The following TBC1D5 variants were observed in gnomAD, a reference collection of about 807,000 sequenced individuals.
The protein encoded by TBC1D5 is TBC1 domain family, member 5.
A neutral mutation model predicts 100.3 loss-of-function variants in TBC1D5; 75 were observed. The observed-to-expected ratio is 0.75, with a 90% confidence interval of 0.62 to 0.91. TBC1D5 has a LOEUF of 0.91. Among genes scored for constraint, TBC1D5 ranks in the 40% least tolerant of loss-of-function variants. The pLI is 0.00. For missense variants in TBC1D5, 910 were observed against 942.4 expected, an observed-to-expected ratio of 0.97 and a Z score of 0.45; for synonymous variants, 323 against 325.6, an observed-to-expected ratio of 0.99 and a Z score of 0.09.
chr3:17,633,363 G>A (rs2063648569), intron 1 of TBC1D5, among the ~76,000 whole-genome samples: 1 of 150,676 alleles, frequency 6.6e-6, no homozygotes, highest in South Asian at 2.1e-4. Context: ...TGGAACCTGG[G>A]AGGCAGAGGT....
chr3:17,352,709 C>T (rs999230627), intron 13 of TBC1D5, among the ~76,000 whole-genome samples: 1 of 101,666 alleles, frequency 9.8e-6, no homozygotes, highest in Non-Finnish European at 2.2e-5. Context: ...ACAAAAAAAC[C>T]TACTGTGCAC....
intron 3 of TBC1D5, among the ~76,000 whole-genome samples, chr3:17,454,503 A>G (rs2095006444): frequency 6.6e-6 from 1 of 152,160 alleles, no homozygotes; most frequent in African/African-American, 2.4e-5. Context: ...TCTGTCACCC[A>G]GGCTAGAGTG....
At chr3:17,692,256 T>C (rs1460574908) in intron 1 of TBC1D5, among the ~76,000 whole-genome samples, 1 of 152,040 alleles carries the variant, frequency 6.6e-6, no homozygotes, top group Non-Finnish European at 1.5e-5. Context: ...CATGCCCAGC[T>C]AATTTTTGTA....
At chr3:17,305,674 T>A (rs2083327757) in intron 14 of TBC1D5, among the ~76,000 whole-genome samples, 1 of 152,206 alleles carries the variant, frequency 6.6e-6, no homozygotes, top group African/African-American at 2.4e-5. Flanking sequence ...AACTTCTTAA[T>A]CCTTGTATTT....
rs80335505 is a variant in TBC1D5, at chr3:17,267,557, A to G, written c.1246-8966T>C. 9.6e-3 allele frequency among the ~76,000 whole-genome samples: 1,455 copies of G among 152,296 alleles called. 21 individuals are homozygous for G. Among genetic ancestry groups the G allele is most frequent in the African/African-American group, 0.033 (1,375 of 41,568 alleles). On this transcript the variant is annotated intron_variant, in intron 15 of 21. Coordinates refer to ENST00000253692, the Ensembl canonical transcript of TBC1D5. Reference sequence around the variant, plus strand: ...GGAAACAGAGGTAAAGTCTGATATAAAAGTTATCATTGCAAATTTTTATTT... The same window carrying G: ...GGAAACAGAGGTAAAGTCTGATATAGAAGTTATCATTGCAAATTTTTATTT...
chr3:17,651,416 A>G (rs1025694194), intron 1 of TBC1D5, among the ~76,000 whole-genome samples: 11 of 152,220 alleles, frequency 7.2e-5, no homozygotes, highest in African/African-American at 2.4e-4. Context: ...CCTCACAGTA[A>G]TATTTGATTT....
chr3:17,651,639 G>C (rs547551712), intron 1 of TBC1D5, among the ~76,000 whole-genome samples: 1 of 152,064 alleles, frequency 6.6e-6, no homozygotes, highest in Admixed American at 6.5e-5. Flanking sequence ...GGAGGCAGAG[G>C]TTGCAGTGAG....
chr3:17,733,416 T>C (rs1297328942), intron 1 of TBC1D5, among the ~76,000 whole-genome samples: 2 of 152,182 alleles, frequency 1.3e-5, no homozygotes, highest in Non-Finnish European at 2.9e-5. Flanking sequence ...CTGTCAGTTT[T>C]CTCTTTTAAT....
At chr3:17,623,514 T>G (rs965516149) in intron 2 of TBC1D5, among the ~76,000 whole-genome samples, 5 of 152,236 alleles carry the variant, frequency 3.3e-5, no homozygotes. Flanking sequence ...GGCAGTTTCC[T>G]GCAGAGTGCC....
At position 17,450,792 on chromosome 3, in the gene TBC1D5, C is replaced by T. The variant is rs1313579377; in HGVS notation, c.98-22273G>A. 2.0e-5 allele frequency among the ~76,000 whole-genome samples: 3 copies of T among 152,138 alleles called. No individual in the cohort carries two copies. The East Asian group carries it at 5.8e-4, about 29-fold the overall frequency. On this transcript the variant is annotated intron_variant, in intron 3 of 21. Coordinates refer to ENST00000253692, the Ensembl canonical transcript of TBC1D5. ...CCTGAAAGTGATGGAGAGAATGGAA[C>T]CAAGTTGGAAAATACACTTCAGGAT...
intron 17 of TBC1D5, among the ~76,000 whole-genome samples, chr3:17,215,005 A>G (rs571354372): frequency 1.3e-5 from 2 of 152,124 alleles, no homozygotes; most frequent in Admixed American, 6.6e-5. Flanking sequence ...AAGAGCAAGG[A>G]GGAGAAGGGT....
intron 19 of TBC1D5, among the ~76,000 whole-genome samples, chr3:17,173,550 G>T (rs1015000643): frequency 6.6e-6 from 1 of 152,144 alleles, no homozygotes; most frequent in African/African-American, 2.4e-5. Flanking sequence ...TGAGATGGGG[G>T]TAATACCCAT....
At chr3:17,342,046 A>C (rs972908004) in intron 13 of TBC1D5, among the ~76,000 whole-genome samples, 9 of 152,146 alleles carry the variant, frequency 5.9e-5, no homozygotes, top group African/African-American at 2.2e-4. Flanking sequence ...CTGCCATCTT[A>C]TTTAGGGCCA....
At chr3:17,160,068 T>C (rs907423038) in exon 22 of TBC1D5, 15 of 152,232 alleles carry the variant, frequency 9.9e-5, no homozygotes, top group African/African-American at 3.4e-4. Flanking sequence ...GAAAGATGTT[T>C]ATCCCATAAA....
At chr3:17,689,551 A>T (rs1560471337) in intron 1 of TBC1D5, among the ~76,000 whole-genome samples, 1 of 151,640 alleles carries the variant, frequency 6.6e-6, no homozygotes, top group Non-Finnish European at 1.5e-5. Context: ...AGAAAAAGAG[A>T]AAAAAGGGAG....
intron 17 of TBC1D5, among the ~76,000 whole-genome samples, chr3:17,218,865 T>G (rs560590957): frequency 1.3e-5 from 2 of 151,968 alleles, no homozygotes; most frequent in African/African-American, 2.4e-5. Flanking sequence ...ACAGTCTGAC[T>G]ATGATATATC....
chr3:17,546,629 C>A (rs956963312), intron 2 of TBC1D5, among the ~76,000 whole-genome samples: 1 of 151,328 alleles, frequency 6.6e-6, no homozygotes, highest in East Asian at 1.9e-4. Context: ...AATAACCGGG[C>A]ATGGCGGCAT....
intron 2 of TBC1D5, among the ~76,000 whole-genome samples, chr3:17,548,569 T>C (rs977133439): frequency 6.6e-5 from 10 of 152,228 alleles, no homozygotes; most frequent in African/African-American, 2.2e-4. Context: ...CAATCAACAC[T>C]TGTCTTCAAA....
At chr3:17,545,069 A>G (rs1412956432) in intron 2 of TBC1D5, among the ~76,000 whole-genome samples, 1 of 152,154 alleles carries the variant, frequency 6.6e-6, no homozygotes. Context: ...AAAATAATAA[A>G]TAAATAAATA....
Sources: allele counts gnomAD v4.1 joint callset (sites outside exome capture counted in the v4.1 genomes callset), GRCh38; gene constraint gnomAD v4.1.1; transcripts MANE v1.5; gene names NCBI Gene and HGNC (gene_info 2026-07-23, HGNC 2026-07-21).